ZNF486: variants seen among roughly 807,000 people sequenced by gnomAD.
ZNF486 encodes KRAB box only protein 2.
A neutral mutation model predicts 12.8 loss-of-function variants in ZNF486; 12 were observed. That is an observed-to-expected ratio of 0.94 (90% CI 0.60 to 1.52). The LOEUF is 1.52. ZNF486 is among the 40% of genes most tolerant of loss of function. ZNF486 has a pLI of 0.00. For missense variants in ZNF486, 738 were observed against 545.0 expected, an observed-to-expected ratio of 1.35 and a Z score of -3.53; for synonymous variants, 231 against 184.9, an observed-to-expected ratio of 1.25 and a Z score of -2.02.
intron 3 of ZNF486, among the ~76,000 whole-genome samples, chr19:20,189,703 GTTT>G (rs1186377237): frequency 4.6e-5 from 7 of 152,074 alleles, no homozygotes; most frequent in Admixed American, 4.6e-4. Flanking sequence ...AGTTTTAAGA[GTTT>G]TTATTTATTT....
At chr19:20,167,392 G>T (rs371165910) in intron 1 of ZNF486, 32 bp downstream of exon 1, 1 of 1,609,116 alleles carries the variant, frequency 6.2e-7, no homozygotes, top group Non-Finnish European at 8.5e-7. Flanking sequence ...CCTGAGAGAG[G>T]GGAGGGACTG....
intron 3 of ZNF486, among the ~76,000 whole-genome samples, chr19:20,196,561 C>T (rs1053103276): frequency 5.3e-5 from 8 of 152,152 alleles, no homozygotes; most frequent in African/African-American, 1.9e-4. Flanking sequence ...AACTCCTGAC[C>T]TCAAGTGATT....
At chr19:20,168,352 C>A (rs1402389746) in intron 1 of ZNF486, among the ~76,000 whole-genome samples, 1 of 148,240 alleles carries the variant, frequency 6.7e-6, no homozygotes, top group East Asian at 2.1e-4. Flanking sequence ...GAGCAAGACT[C>A]CTTCACACAC....
chr19:20,181,112 G>A (rs113496158), intron 1 of ZNF486, among the ~76,000 whole-genome samples: 1 of 151,390 alleles, frequency 6.6e-6, no homozygotes, highest in African/African-American at 2.4e-5. Flanking sequence ...TTTTGGAGGC[G>A]TTATTTAGGT....
intron 1 of ZNF486, among the ~76,000 whole-genome samples, chr19:20,174,852 A>G (rs1040380260): frequency 9.2e-5 from 14 of 152,222 alleles, no homozygotes; most frequent in Non-Finnish European, 1.8e-4. Context: ...AGTAAACACA[A>G]TTTTAGTGTC....
At chr19:20,184,542 TG>T (rs2122656481) in intron 2 of ZNF486, 60 bp downstream of exon 2, 1 of 1,513,836 alleles carries the variant, frequency 6.6e-7, no homozygotes, top group Admixed American at 2.3e-5. Context: ...TTCTCTTTTT[TG>T]CAGAATGATT....
At chr19:20,184,917 GC>G (rs1475620822) in intron 2 of ZNF486, among the ~76,000 whole-genome samples, 1 of 152,178 alleles carries the variant, frequency 6.6e-6, no homozygotes, top group East Asian at 1.9e-4. Context: ...TTTGAGACCA[GC>G]CTGACCAACA....
intron 3 of ZNF486, among the ~76,000 whole-genome samples, chr19:20,193,486 G>T (rs1173853952): frequency 1.3e-5 from 2 of 151,550 alleles, no homozygotes; most frequent in African/African-American, 4.8e-5. Flanking sequence ...ATGGTGAAAC[G>T]CTGTCTCTAC....
chr19:20,184,232 T>C, intron 1 of ZNF486, 124 bp from the exon 2 acceptor site: 1 of 1,402,238 alleles, frequency 7.1e-7, no homozygotes, highest in African/African-American at 1.5e-5. Flanking sequence ...AAAATTATTT[T>C]ATTGGATAAT....
intron 1 of ZNF486, among the ~76,000 whole-genome samples, chr19:20,172,848 G>A (rs1277582864): frequency 6.6e-6 from 1 of 151,514 alleles, no homozygotes; most frequent in Non-Finnish European, 1.5e-5. Context: ...TCACCCTGTT[G>A]GTCAGGCTGG....
intron 1 of ZNF486, among the ~76,000 whole-genome samples, chr19:20,169,217 G>A (rs1239058288): frequency 6.6e-6 from 1 of 151,170 alleles, no homozygotes; most frequent in East Asian, 2.0e-4. Context: ...TGGGTTCAAG[G>A]GATTTTCCTA....
chr19:20,193,877 TTA>T (rs2089930106), intron 3 of ZNF486, among the ~76,000 whole-genome samples: 1 of 152,112 alleles, frequency 6.6e-6, no homozygotes, highest in Non-Finnish European at 1.5e-5. Context: ...TATACAGCTA[TTA>T]TCTTAGTGGT....
chr19:20,171,817 A>G (rs1268471966), intron 1 of ZNF486, among the ~76,000 whole-genome samples: 1 of 152,180 alleles, frequency 6.6e-6, no homozygotes, highest in Non-Finnish European at 1.5e-5. Flanking sequence ...TTTGTCACTG[A>G]GGTACTACCC....
At chr19:20,180,185 G>A (rs1555715358) in intron 1 of ZNF486, among the ~76,000 whole-genome samples, 1 of 152,178 alleles carries the variant, frequency 6.6e-6, no homozygotes, top group Non-Finnish European at 1.5e-5. Flanking sequence ...GGTTAATTCT[G>A]CTTCTGTCTC....
At position 20,184,443 on chromosome 19, in the gene ZNF486, G is replaced by A. The variant is rs781851011; in HGVS notation, c.118G>A (p.Asp40Asn). The change falls in exon 2 of 4, where the codon GAT becomes AAT. Residue 40 changes from aspartate to asparagine, a missense_variant. Asp to Asn is a conservative substitution (Grantham distance 23). Coordinates refer to ENST00000335117, the MANE Select transcript of ZNF486 (RefSeq NM_052852.4). ...CACTGCACAGCAGAATTTATATAGGGATGTGATGTTAGAGAACTACAGACA... is the reference window on the plus strand; with the variant it reads ...CACTGCACAGCAGAATTTATATAGGAATGTGATGTTAGAGAACTACAGACA... ...LDTAQQNLYRDVMLENYRHLV... is the reference protein window; with the variant it reads ...LDTAQQNLYRNVMLENYRHLV... The A allele has an allele frequency of 7.4e-6, 12 of 1,613,336 alleles. No homozygotes were observed. Among genetic ancestry groups the A allele is most frequent in the Non-Finnish European group, 8.5e-6 (10 of 1,179,688 alleles).
intron 1 of ZNF486, among the ~76,000 whole-genome samples, chr19:20,183,946 A>G (rs2122655187): frequency 6.6e-6 from 1 of 152,186 alleles, no homozygotes; most frequent in Middle Eastern, 3.4e-3. Flanking sequence ...TCTTTTGGAA[A>G]AAAAAATCCT....
chr19:20,167,324 A>G lies in ZNF486; in HGVS notation c.-7A>G. ...GTCCTGTAGGTATTGGGAGATCCAC[A>G]GCCAAGATGCCGGGACCCCTTAGAA... is the stretch of plus-strand genomic sequence containing the variant. On this transcript the variant is annotated 5_prime_UTR_variant, in exon 1 of 4. Transcript: ENST00000335117. The G allele has an allele frequency of 6.2e-7, 1 of 1,614,088 alleles. No homozygotes were observed. Among genetic ancestry groups the G allele is most frequent in the Non-Finnish European group, 8.5e-7 (1 of 1,179,958 alleles).
intron 1 of ZNF486, among the ~76,000 whole-genome samples, chr19:20,168,716 ATTTCACTGGATT>A (rs2089612432): frequency 6.6e-6 from 1 of 152,242 alleles, no homozygotes; most frequent in African/African-American, 2.4e-5. Context: ...TGTTTGAGTA[ATTTCACTGGATT>A]TTTCAAACAC....
In ZNF486 at chr19:20,198,913, C is replaced by A. The variant is rs1349281519; in HGVS notation, c.*811C>A. The stretch of plus-strand genomic sequence containing the variant: ...AGATGTGACAGTGCTTTTCCCAACA[C>A]CTCCAACTTTTCTATGCATAAAAAA... On this transcript the variant is annotated 3_prime_UTR_variant, in exon 4 of 4. Transcript: ENST00000335117. The A allele has an allele frequency of 6.6e-6, 1 of 151,432 alleles. No individual in the cohort carries two copies. The highest frequency in any genetic ancestry group is 2.1e-4 in the South Asian group (1 of 4,830). The allele number at this position is 151,432 out of a possible 1,614,324, so 9.4% of individuals were successfully genotyped here. A position where few individuals can be genotyped will look rare whatever the true frequency, so the allele number is the denominator to read the frequency against.
Sources: gnomAD v4.1 joint callset for allele counts (sites outside exome capture counted in the v4.1 genomes callset) on GRCh38, gnomAD v4.1.1 for gene constraint, MANE v1.5 for transcripts, NCBI Gene and HGNC (gene_info 2026-07-23, HGNC 2026-07-21) for gene names.